AMPH: variants seen among roughly 807,000 people sequenced by gnomAD.
The protein encoded by AMPH is amphiphysin.
AMPH carries 49 observed loss-of-function variants against 99.1 expected under a neutral mutation model. That is an observed-to-expected ratio of 0.49 (90% CI 0.39 to 0.63). The LOEUF (loss-of-function observed/expected upper bound fraction) is 0.63, where lower values mean the gene tolerates loss of function less well. Among genes scored for constraint, AMPH ranks in the 20% least tolerant of loss-of-function variants. AMPH has a pLI of 0.00. For synonymous variants in AMPH, 314 were observed against 317.3 expected (o/e 0.99, Z 0.11); for missense variants, 759 against 863.4 (o/e 0.88, Z 1.52).
At position 38,384,464 on chromosome 7, in the gene AMPH, T is replaced by G. The variant is rs6960550; in HGVS notation, c.*354A>C. The G allele has an allele frequency of 0.11, 20,447 of 189,928 alleles. 3,177 individuals are homozygous for G. Among genetic ancestry groups the G allele is most frequent in the African/African-American group, 0.37 (16,167 of 43,242 alleles). 11.8% of individuals were successfully genotyped at this position (189,928 alleles called of 1,614,324 possible). On this transcript the variant is annotated 3_prime_UTR_variant, in exon 21 of 21. Transcript: ENST00000356264. ...CTACAGGATAATTCATCACATCTTCTGCAGGGCAGCCACTCAATACGATAC... is the reference window on the plus strand; with the variant it reads ...CTACAGGATAATTCATCACATCTTCGGCAGGGCAGCCACTCAATACGATAC...
At chr7:38,445,070 T>G (rs893502810) in intron 11 of AMPH, among the ~76,000 whole-genome samples, 9 of 147,440 alleles carry the variant, frequency 6.1e-5, no homozygotes, top group African/African-American at 2.2e-4. Context: ...TACATATATA[T>G]ATACACATAT....
intron 1 of AMPH, among the ~76,000 whole-genome samples, chr7:38,579,757 G>A (rs1022001789): frequency 2.6e-5 from 4 of 152,194 alleles, no homozygotes; most frequent in Non-Finnish European, 4.4e-5. Context: ...AGTTGATCAT[G>A]GGAAGACATC....
At chr7:38,566,086 T>C (rs1001437966) in intron 1 of AMPH, among the ~76,000 whole-genome samples, 1 of 152,172 alleles carries the variant, frequency 6.6e-6, no homozygotes, top group African/African-American at 2.4e-5. Flanking sequence ...TTACTCTCTG[T>C]TTTTTATTTT....
At chr7:38,502,389 T>C (rs1022993502) in intron 3 of AMPH, among the ~76,000 whole-genome samples, 14 of 152,140 alleles carry the variant, frequency 9.2e-5, no homozygotes, top group Non-Finnish European at 1.8e-4. Context: ...CCCTGTATGG[T>C]AGATGCACCT....
At chr7:38,440,653 A>G (rs1018076533) in intron 11 of AMPH, among the ~76,000 whole-genome samples, 1 of 152,206 alleles carries the variant, frequency 6.6e-6, no homozygotes, top group Non-Finnish European at 1.5e-5. Context: ...GAGAAATGTG[A>G]GTATATTATC....
chr7:38,539,590 G>A (rs1790737457), intron 1 of AMPH, among the ~76,000 whole-genome samples: 1 of 152,156 alleles, frequency 6.6e-6, no homozygotes, highest in Non-Finnish European at 1.5e-5. Flanking sequence ...CCTTTGTAAA[G>A]GCCAAATTGG....
chr7:38,476,406 A>G (rs993885019), intron 6 of AMPH, among the ~76,000 whole-genome samples: 7 of 152,238 alleles, frequency 4.6e-5, no homozygotes, highest in African/African-American at 1.7e-4. Flanking sequence ...GTTAGTCGGC[A>G]TCTGTAACTT....
chr7:38,394,381 C>T (rs1370832523), intron 17 of AMPH, among the ~76,000 whole-genome samples, 167 bp from the exon 18 acceptor site: 1 of 152,226 alleles, frequency 6.6e-6, no homozygotes, highest in Non-Finnish European at 1.5e-5. Flanking sequence ...TATTCATCAA[C>T]ACTCCGACTT....
intron 1 of AMPH, among the ~76,000 whole-genome samples, chr7:38,600,147 A>C (rs1793198028): frequency 6.6e-6 from 1 of 152,114 alleles, no homozygotes; most frequent in Non-Finnish European, 1.5e-5. Flanking sequence ...TAAAAATCCC[A>C]CTTTAAATGC....
intron 1 of AMPH, among the ~76,000 whole-genome samples, chr7:38,612,084 C>CT (rs777855014): frequency 0.21 from 19,013 of 88,896 alleles, 2,520 homozygotes; most frequent in Non-Finnish European, 0.23. Context: ...TTTTTGTCTT[C>CT]TTCTTTTTTT....
chr7:38,479,711 G>T (rs960888850), intron 5 of AMPH, among the ~76,000 whole-genome samples: 2 of 151,916 alleles, frequency 1.3e-5, no homozygotes, highest in Non-Finnish European at 2.9e-5. Context: ...ATATGTTAAA[G>T]ATGTATATTA....
intron 1 of AMPH, among the ~76,000 whole-genome samples, chr7:38,555,847 GA>G (rs1791344201): frequency 6.6e-6 from 1 of 151,860 alleles, no homozygotes; most frequent in East Asian, 1.9e-4. Context: ...TTAGATATTA[GA>G]AAAAAAATTT....
chr7:38,461,241 T>C, intron 11 of AMPH, 42 bp downstream of exon 11: 1 of 1,610,116 alleles, frequency 6.2e-7, no homozygotes, highest in Non-Finnish European at 8.5e-7. Context: ...CCTTCCACCA[T>C]GGGACTTTCA....
intron 1 of AMPH, among the ~76,000 whole-genome samples, chr7:38,615,575 A>G (rs1793845030): frequency 6.6e-6 from 1 of 152,092 alleles, no homozygotes; most frequent in South Asian, 2.1e-4. Context: ...GTGGAAGAAA[A>G]TATACCCCAA....
At position 38,470,571 on chromosome 7, in the gene AMPH, C is replaced by G. The variant is rs1306354102; in HGVS notation, c.591-4323G>C. Among the ~76,000 whole-genome samples, 4 of 151,948 alleles carry G rather than the reference C, an allele frequency of 2.6e-5. No homozygotes were observed. In the East Asian group the frequency reaches 5.8e-4, roughly 22 times the overall value. On this transcript the variant is annotated intron_variant, in intron 7 of 20. Transcript: ENST00000356264. ...ATTTTTGGAAGGCTTTTCCACAGTC[C>G]CCTCTTCTTTTGCACATTCCATAAA...
At chr7:38,575,645 C>T (rs1208738095) in intron 1 of AMPH, among the ~76,000 whole-genome samples, 1 of 152,160 alleles carries the variant, frequency 6.6e-6, no homozygotes, top group African/African-American at 2.4e-5. Context: ...TCCCCTTCCA[C>T]CATTATTATA....
intron 1 of AMPH, among the ~76,000 whole-genome samples, chr7:38,545,134 C>T (rs17171395): frequency 0.081 from 12,384 of 152,204 alleles, 803 homozygotes; most frequent in East Asian, 0.31. Flanking sequence ...GCCAATGCAA[C>T]CAAGAAAGCC....
At chr7:38,468,346 T>A (rs867890581) in intron 7 of AMPH, among the ~76,000 whole-genome samples, 1 of 152,226 alleles carries the variant, frequency 6.6e-6, no homozygotes, top group African/African-American at 2.4e-5. Context: ...AGTATTGTTT[T>A]TCTTATCAAT....
rs542685040 is a variant in AMPH at position 38,480,300 on chromosome 7, T to C, written c.397-3331A>G. 4.0e-4 allele frequency among the ~76,000 whole-genome samples: 61 copies of C among 152,166 alleles called. 1 individual carries two copies. The South Asian group carries it at 0.013, about 32-fold the overall frequency. On this transcript the variant is annotated intron_variant, in intron 5 of 20. Coordinates refer to ENST00000356264, the MANE Select transcript of AMPH (RefSeq NM_001635.4). ...AGCGCCAGGAGTAGGGTGAGGCAGG[T>C]GAGACAGGGCACAAAATTTAAGAAG...
Sources: allele counts gnomAD v4.1 joint callset (sites outside exome capture counted in the v4.1 genomes callset), GRCh38; gene constraint gnomAD v4.1.1; transcripts MANE v1.5; gene names NCBI Gene and HGNC (gene_info 2026-07-23, HGNC 2026-07-21).